Variants in RHBDD1 observed in about 807,000 individuals in gnomAD.
The protein encoded by RHBDD1 is rhomboid domain containing 1.
A neutral mutation model predicts 36.3 loss-of-function variants in RHBDD1; 38 were observed. The ratio of observed to expected loss-of-function variants is 1.05; its 90% CI spans 0.81 to 1.37. RHBDD1 has a LOEUF of 1.37. Ranked by LOEUF, RHBDD1 falls within the 40% of genes most tolerant of loss-of-function variation. The pLI, the probability that RHBDD1 is intolerant of heterozygous loss-of-function variation, is 0.00. For synonymous variants in RHBDD1, 151 were observed against 136.5 expected, an observed-to-expected ratio of 1.11 and a Z score of -0.74; for missense variants, 393 against 377.6, an observed-to-expected ratio of 1.04 and a Z score of -0.34.
At chr2:226,828,987 TTTC>T in the RHBDD1 span, among the ~76,000 whole-genome samples, 1 of 152,170 alleles carries the variant, frequency 6.6e-6, no homozygotes, top group Admixed American at 6.5e-5. Flanking sequence ...TGACAAAGAT[TTTC>T]TTTTGTGATT....
chr2:226,944,891 C>A (rs765613731), intron 8 of RHBDD1, among the ~76,000 whole-genome samples: 1 of 151,908 alleles, frequency 6.6e-6, no homozygotes, highest in Non-Finnish European at 1.5e-5. Flanking sequence ...TGTGATGAGA[C>A]CTTAGTGAAG....
At chr2:226,901,867 A>AT (rs957969582) in intron 5 of RHBDD1, among the ~76,000 whole-genome samples, 9 of 152,166 alleles carry the variant, frequency 5.9e-5, no homozygotes, top group Admixed American at 5.9e-4. Context: ...GTAACTTGTG[A>AT]TTTTTTTAAT....
intron 5 of RHBDD1, among the ~76,000 whole-genome samples, chr2:226,898,448 A>T (rs908281702): frequency 6.6e-6 from 1 of 152,178 alleles, no homozygotes; most frequent in Admixed American, 6.5e-5. Context: ...TTAATAAATC[A>T]TCATGGATTG....
At chr2:226,956,270 C>T (rs1951787875) in intron 8 of RHBDD1, among the ~76,000 whole-genome samples, 1 of 152,120 alleles carries the variant, frequency 6.6e-6, no homozygotes, top group Non-Finnish European at 1.5e-5. Flanking sequence ...GCGCGCAGTC[C>T]CACTCTGCCT....
At chr2:226,834,437 T>C (rs1268920734), upstream of RHBDD1, among the ~76,000 whole-genome samples, 4 of 152,256 alleles carry the variant, frequency 2.6e-5, no homozygotes, top group African/African-American at 4.8e-5. Flanking sequence ...ATTGTTTTTC[T>C]AGGAAAGAGG....
intron 8 of RHBDD1, chr2:226,988,282 TCTCTTCCC>T (rs1191095414): frequency 6.6e-7 from 1 of 1,522,978 alleles, no homozygotes; most frequent in Non-Finnish European, 8.8e-7. Flanking sequence ...CCACTGTAAG[TCTCTTCCC>T]CTGTCCTTCC....
chr2:226,948,166 G>C (rs373224648), intron 8 of RHBDD1, among the ~76,000 whole-genome samples: 58,487 of 136,124 alleles, frequency 0.43, 12,940 homozygotes, highest in African/African-American at 0.5. Flanking sequence ...TGGAACCAGC[G>C]CAAATGTCCA....
chr2:226,956,885 A>C (rs1023337972), intron 8 of RHBDD1, among the ~76,000 whole-genome samples: 3 of 152,182 alleles, frequency 2.0e-5, no homozygotes, highest in African/African-American at 4.8e-5. Flanking sequence ...TTCAAGGCCA[A>C]ATCAGCCCTT....
At chr2:226,849,981 C>T (rs1942650105) in intron 3 of RHBDD1, among the ~76,000 whole-genome samples, 1 of 152,198 alleles carries the variant, frequency 6.6e-6, no homozygotes. Flanking sequence ...TGGTCACCTC[C>T]CAAATAAGTG....
chr2:226,841,041 T>C (rs564476001), intron 3 of RHBDD1, among the ~76,000 whole-genome samples: 1 of 152,328 alleles, frequency 6.6e-6, no homozygotes, highest in Admixed American at 6.5e-5. Context: ...TAGGAATGAA[T>C]TTTGTGCATA....
In RHBDD1 at chr2:226,995,451, C is replaced by T; in HGVS notation, c.877C>T (p.Pro293Ser). ...TACAGGAAATACCAGAAATAGCCCA[C>T]CACCCTACGGGTTTCATCTCTCACC... ...WDRGNTRNSPPPYGFHLSPEE... is the reference protein window; with the variant it reads ...WDRGNTRNSPSPYGFHLSPEE... Residue 293 changes from proline to serine, a missense_variant, in exon 9 of 9, where the codon CCA becomes TCA. Transcript: ENST00000392062. 1.9e-6 allele frequency: 3 copies of T among 1,612,578 alleles called. No homozygotes were observed. Among genetic ancestry groups the T allele is most frequent in the African/African-American group, 1.3e-5 (1 of 75,000 alleles).
intron 8 of RHBDD1, among the ~76,000 whole-genome samples, chr2:226,945,638 AG>A (rs1950941417): frequency 2.0e-5 from 3 of 152,100 alleles, no homozygotes; most frequent in Admixed American, 2.0e-4. Context: ...ATGTGTCTAT[AG>A]TAGAATGATT....
chr2:226,864,927 T>C lies in RHBDD1; in HGVS notation c.234T>C (p.Asp78=). 1.2e-6 allele frequency: 2 copies of C among 1,614,220 alleles called. No individual in the cohort carries two copies. The highest frequency in any genetic ancestry group is 1.6e-4 in the Middle Eastern group (1 of 6,062). The change falls in exon 4 of 9, where the codon GAT becomes GAC. Residue 78 remains aspartate, a synonymous_variant. Transcript: ENST00000392062. ...TCTCTCCCCTTCACCATGCTGATGA[T>C]TGGCATTTGTATTTCAATATGGCAT... is the stretch of plus-strand genomic sequence containing the variant. ...LLLSPLHHAD[D]WHLYFNMASM...
chr2:226,904,844 A>T (rs895517975), intron 5 of RHBDD1, among the ~76,000 whole-genome samples: 1 of 152,224 alleles, frequency 6.6e-6, no homozygotes, highest in Non-Finnish European at 1.5e-5. Context: ...CGTGTAGGTT[A>T]CCAAATGGCG....
chr2:226,902,686 C>G (rs1947695653), intron 5 of RHBDD1, among the ~76,000 whole-genome samples: 1 of 152,074 alleles, frequency 6.6e-6, no homozygotes, highest in African/African-American at 2.4e-5. Context: ...AAATTGAACA[C>G]TTTTATAAAG....
At chr2:226,829,795 G>A in the RHBDD1 span, among the ~76,000 whole-genome samples, 8 of 152,146 alleles carry the variant, frequency 5.3e-5, no homozygotes, top group Admixed American at 2.0e-4. Context: ...CATATCAGGT[G>A]ATCTGTGAAT....
At chr2:226,901,256 G>A (rs1947562272) in intron 5 of RHBDD1, among the ~76,000 whole-genome samples, 1 of 152,116 alleles carries the variant, frequency 6.6e-6, no homozygotes, top group Admixed American at 6.5e-5. Context: ...GCGTGTGTGT[G>A]TATACATACC....
At chr2:226,930,802 A>G (rs1949985842) in intron 8 of RHBDD1, among the ~76,000 whole-genome samples, 1 of 152,052 alleles carries the variant, frequency 6.6e-6, no homozygotes. Flanking sequence ...AAAAAAAAAT[A>G]AACCTGTCAA....
In RHBDD1 at chr2:226,950,837, CTTTGAGT is replaced by C. The variant is rs1176572630; in HGVS notation, c.856+36488_856+36494del. Among the ~76,000 whole-genome samples, 3 of 152,136 alleles carry C rather than the reference CTTTGAGT, an allele frequency of 2.0e-5. No individual in the cohort carries two copies. In the East Asian group the frequency reaches 5.8e-4, roughly 29 times the overall value. On this transcript the variant is annotated intron_variant, in intron 8 of 8. Coordinates refer to ENST00000392062, the MANE Select transcript of RHBDD1 (RefSeq NM_001167608.3). The stretch of plus-strand genomic sequence containing the variant: ...TTTAAAAATTGGGTTGTTTTCTTGC[CTTTGAGT>C]TGAGTTTCTTATGTTTTTTATACTA...
Sources: allele counts gnomAD v4.1 joint callset (sites outside exome capture counted in the v4.1 genomes callset), GRCh38; gene constraint gnomAD v4.1.1; transcripts MANE v1.5; gene names NCBI Gene and HGNC (gene_info 2026-07-23, HGNC 2026-07-21).